Variants in KHDRBS2 observed in about 807,000 individuals in gnomAD.
The protein encoded by KHDRBS2 is KH RNA binding domain containing, signal transduction associated 2, also known as KH domain-containing, RNA-binding, signal transduction-associated protein 2.
A neutral mutation model predicts 44.3 loss-of-function variants in KHDRBS2; 26 were observed. That is an observed-to-expected ratio of 0.59 (90% CI 0.43 to 0.81). The LOEUF (loss-of-function observed/expected upper bound fraction) is 0.81. KHDRBS2 is among the 40% of genes least tolerant of loss of function. KHDRBS2 has a pLI of 0.00. For synonymous variants in KHDRBS2, 194 were observed against 151.1 expected (o/e 1.28, Z -2.08); for missense variants, 476 against 433.1 (o/e 1.10, Z -0.88).
intron 6 of KHDRBS2, among the ~76,000 whole-genome samples, chr6:61,847,667 G>T (rs1426421419): frequency 6.6e-6 from 1 of 151,954 alleles, no homozygotes; most frequent in Non-Finnish European, 1.5e-5. Flanking sequence ...TCTCCTAGTG[G>T]ATTACCTGTG....
At chr6:62,252,014 A>G (rs1433664733) in intron 1 of KHDRBS2, among the ~76,000 whole-genome samples, 1 of 151,904 alleles carries the variant, frequency 6.6e-6, no homozygotes, top group Non-Finnish European at 1.5e-5. Flanking sequence ...TAGCTTCCCT[A>G]GGAGGAGGAG....
At chr6:61,707,063 T>C (rs1360394270) in intron 7 of KHDRBS2, among the ~76,000 whole-genome samples, 1 of 151,812 alleles carries the variant, frequency 6.6e-6, no homozygotes, top group East Asian at 1.9e-4. Context: ...GGAAAGTCTT[T>C]ACAGATGACA....
chr6:61,591,360 TTAGAAAACCAA>T, the KHDRBS2 span, among the ~76,000 whole-genome samples: 2 of 152,134 alleles, frequency 1.3e-5, no homozygotes, highest in Non-Finnish European at 2.9e-5. Context: ...TAGAATGTCA[TTAGAAAACCAA>T]AACCATTATG....
chr6:62,200,753 A>C (rs910918134), intron 1 of KHDRBS2, among the ~76,000 whole-genome samples: 41 of 152,224 alleles, frequency 2.7e-4, no homozygotes, highest in African/African-American at 8.9e-4. Context: ...CCAAAGGATT[A>C]TAAATCATGC....
In KHDRBS2 at chr6:61,681,171, G is replaced by A. The variant is rs563039644; in HGVS notation, c.953-111C>T. 2.1e-4 allele frequency: 144 copies of A among 697,636 alleles called. No individual in the cohort carries two copies. In the Admixed American group the frequency reaches 3.5e-3, roughly 17 times the overall value. The allele number at this position is 697,636 out of a possible 1,614,324, so 43.2% of individuals were successfully genotyped here. A position where few individuals can be genotyped will look rare whatever the true frequency, so the allele number is the denominator to read the frequency against. Reference sequence around the variant, plus strand: ...AAAGAAAACAAAAGATCTCAACACCGAACGCTAAAGCCTATTTTTTCCACA... The same window carrying A: ...AAAGAAAACAAAAGATCTCAACACCAAACGCTAAAGCCTATTTTTTCCACA... On this transcript the variant is annotated intron_variant, in intron 8 of 8. Transcript: ENST00000281156.
chr6:62,081,618 A>C (rs1160173523), intron 2 of KHDRBS2, among the ~76,000 whole-genome samples: 3 of 152,146 alleles, frequency 2.0e-5, no homozygotes, highest in Non-Finnish European at 2.9e-5. Context: ...AAGATCTTCC[A>C]AAATCAACAA....
chr6:61,547,313 G>A, the KHDRBS2 span, among the ~76,000 whole-genome samples: 2 of 152,054 alleles, frequency 1.3e-5, no homozygotes, highest in Admixed American at 1.3e-4. Flanking sequence ...TTTTAAGTGT[G>A]CATGCAGACT....
At chr6:62,199,888 T>A (rs1826554723) in intron 1 of KHDRBS2, among the ~76,000 whole-genome samples, 1 of 152,088 alleles carries the variant, frequency 6.6e-6, no homozygotes, top group African/African-American at 2.4e-5. Context: ...AAAAAAGAGA[T>A]ATAGATCAAT....
At chr6:62,266,347 G>A (rs2150185024) in intron 1 of KHDRBS2, among the ~76,000 whole-genome samples, 1 of 152,058 alleles carries the variant, frequency 6.6e-6, no homozygotes, top group African/African-American at 2.4e-5. Flanking sequence ...CTGCTTCTTT[G>A]CCCCTACATG....
intron 6 of KHDRBS2, among the ~76,000 whole-genome samples, chr6:61,790,709 G>A (rs1301912603): frequency 6.6e-6 from 1 of 151,532 alleles, no homozygotes; most frequent in African/African-American, 2.4e-5. Flanking sequence ...CTTATGCACA[G>A]TAGCATTCAG....
chr6:61,566,166 A>G, the KHDRBS2 span, among the ~76,000 whole-genome samples: 515 of 152,174 alleles, frequency 3.4e-3, 10 homozygotes, highest in Admixed American at 0.031. Context: ...TGTTCTCACT[A>G]ACATGTGGGA....
chr6:62,144,131 C>T (rs979560231), intron 2 of KHDRBS2, among the ~76,000 whole-genome samples: 45 of 151,842 alleles, frequency 3.0e-4, no homozygotes, highest in African/African-American at 1.0e-3. Context: ...ACCTGTGTTT[C>T]ATATTTCTCT....
chr6:62,024,946 A>C (rs1180259309), intron 3 of KHDRBS2, among the ~76,000 whole-genome samples: 1 of 151,770 alleles, frequency 6.6e-6, no homozygotes, highest in Non-Finnish European at 1.5e-5. Context: ...ATTTAGAAGA[A>C]TCTGCCTCCA....
intron 1 of KHDRBS2, among the ~76,000 whole-genome samples, chr6:62,283,135 C>G (rs937851908): frequency 6.6e-6 from 1 of 152,064 alleles, no homozygotes; most frequent in Admixed American, 6.5e-5. Flanking sequence ...ACATTATAAT[C>G]GCAGGATGAA....
chr6:61,580,235 G>A, the KHDRBS2 span, among the ~76,000 whole-genome samples: 1 of 152,156 alleles, frequency 6.6e-6, no homozygotes, highest in South Asian at 2.1e-4. Flanking sequence ...GGTGAAGCCA[G>A]CTGGGCTTCT....
At chr6:61,959,198 TAAG>T (rs1768087611) in intron 4 of KHDRBS2, among the ~76,000 whole-genome samples, 1 of 152,176 alleles carries the variant, frequency 6.6e-6, no homozygotes. Flanking sequence ...ATGAGATTGT[TAAG>T]AATAGAAAAT....
At chr6:62,175,756 A>G (rs752647002) in intron 2 of KHDRBS2, among the ~76,000 whole-genome samples, 3 of 151,534 alleles carry the variant, frequency 2.0e-5, no homozygotes, top group Non-Finnish European at 3.0e-5. Context: ...ACATCATAGA[A>G]TATTCTTATT....
chr6:61,983,248 T>TCTTTC (rs1416908763), intron 3 of KHDRBS2, among the ~76,000 whole-genome samples: 47 of 42,614 alleles, frequency 1.1e-3, no homozygotes, highest in African/African-American at 2.0e-3. Flanking sequence ...TTTTTTTTTT[T>TCTTTC]TTTTTTTTTA....
intron 4 of KHDRBS2, among the ~76,000 whole-genome samples, chr6:61,922,990 A>G (rs962560803): frequency 1.7e-4 from 26 of 152,144 alleles, no homozygotes; most frequent in African/African-American, 5.5e-4. Flanking sequence ...AATTGATACA[A>G]ATGTTAAAAT....
Sources: gnomAD v4.1 joint callset for allele counts (sites outside exome capture counted in the v4.1 genomes callset) on GRCh38, gnomAD v4.1.1 for gene constraint, MANE v1.5 for transcripts, NCBI Gene and HGNC (gene_info 2026-07-23, HGNC 2026-07-21) for gene names.